BLNK: variants seen among roughly 807,000 people sequenced by gnomAD.
BLNK encodes the protein B-cell linker protein.
BLNK carries 29 observed loss-of-function variants against 73.5 expected under a neutral mutation model. The observed-to-expected ratio is 0.39, with a 90% CI of 0.29 to 0.54. The LOEUF is 0.54. Ranked by LOEUF, BLNK falls within the 20% of genes least tolerant of loss-of-function variation. The probability of loss-of-function intolerance (pLI) is 0.61; values close to 1 mark genes in which losing one functional copy is unlikely to be tolerated. For synonymous variants in BLNK, 176 were observed against 200.8 expected, an observed-to-expected ratio of 0.88 and a Z score of 1.04; for missense variants, 460 against 562.8, an observed-to-expected ratio of 0.82 and a Z score of 1.85.
At position 96,270,026 on chromosome 10, in the gene BLNK, CGCTT is replaced by C. The variant is rs570049276; in HGVS notation, c.47+1322_47+1325del. On this transcript the variant is annotated intron_variant, in intron 1 of 16. Transcript: ENST00000224337. ...AAGTCTCTTCTTACATTCCTTCTGT[CGCTT>C]ACAGCTTCCATTGTATCACCCCCGC... Among the ~76,000 whole-genome samples the C allele has an allele frequency of 4.9e-3, 748 of 152,292 alleles. 1 individual carries two copies. The highest frequency in any genetic ancestry group is 0.017 in the African/African-American group (692 of 41,550).
chr10:96,221,491 G>A (rs587740025), intron 6 of BLNK, among the ~76,000 whole-genome samples: 1 of 151,940 alleles, frequency 6.6e-6, no homozygotes, highest in African/African-American at 2.4e-5. Flanking sequence ...TCTTATATTG[G>A]CTCTCTATCT....
At chr10:96,239,817 C>T (rs1364695239) in intron 3 of BLNK, among the ~76,000 whole-genome samples, 1 of 152,030 alleles carries the variant, frequency 6.6e-6, no homozygotes, top group African/African-American at 2.4e-5. Flanking sequence ...AAGGAGAGGG[C>T]CTGGGTGGGT....
intron 1 of BLNK, among the ~76,000 whole-genome samples, chr10:96,264,393 C>T (rs1843895672): frequency 1.3e-5 from 2 of 152,158 alleles, no homozygotes; most frequent in African/African-American, 2.4e-5. Flanking sequence ...GCAAGAGCAC[C>T]ACAGCCCTGC....
At chr10:96,239,636 A>G (rs587677874) in intron 3 of BLNK, among the ~76,000 whole-genome samples, 1 of 150,996 alleles carries the variant, frequency 6.6e-6, no homozygotes, top group Non-Finnish European at 1.5e-5. Context: ...ATAGAGAGGG[A>G]AAAAATATTT....
At chr10:96,252,303 G>A (rs550114345) in intron 1 of BLNK, among the ~76,000 whole-genome samples, 3 of 152,122 alleles carry the variant, frequency 2.0e-5, no homozygotes, top group East Asian at 3.9e-4. Context: ...TGCCTGCCCC[G>A]GGCTCCCAAA....
chr10:96,265,252 G>A (rs1843950593), intron 1 of BLNK, among the ~76,000 whole-genome samples: 1 of 151,806 alleles, frequency 6.6e-6, no homozygotes, highest in Non-Finnish European at 1.5e-5. Flanking sequence ...CCAAAGTGCT[G>A]GGATTGCAGG....
At chr10:96,258,523 G>A (rs1454362803) in intron 1 of BLNK, among the ~76,000 whole-genome samples, 1 of 152,210 alleles carries the variant, frequency 6.6e-6, no homozygotes, top group Non-Finnish European at 1.5e-5. Context: ...GATTAATTTA[G>A]TTGAGGACTC....
chr10:96,213,632 T>G (rs1554899157), intron 8 of BLNK, among the ~76,000 whole-genome samples: 1 of 128,288 alleles, frequency 7.8e-6, no homozygotes, highest in East Asian at 2.2e-4. Flanking sequence ...AGGCAGTGTG[T>G]TTTAGGAAGA....
At chr10:96,251,035 T>G (rs989626678) in intron 1 of BLNK, among the ~76,000 whole-genome samples, 2 of 152,256 alleles carry the variant, frequency 1.3e-5, no homozygotes, top group African/African-American at 4.8e-5. Context: ...GCTGAACACA[T>G]TCCAAATCTT....
intron 5 of BLNK, 30 bp downstream of exon 5, chr10:96,227,379 GC>G: frequency 1.2e-6 from 2 of 1,608,868 alleles, no homozygotes; most frequent in Non-Finnish European, 1.7e-6. Flanking sequence ...GGCCTGGAAG[GC>G]CGAGTGCCCA....
At chr10:96,206,889 T>G (rs1184665202) in intron 11 of BLNK, 122 bp downstream of exon 11, 5 of 1,086,748 alleles carry the variant, frequency 4.6e-6, no homozygotes, top group Non-Finnish European at 7.0e-6. Context: ...ACTATTTTGT[T>G]TAGAAAATTG....
chr10:96,224,111 G>A (rs1364705174), intron 5 of BLNK, 122 bp from the exon 6 acceptor site: 49 of 1,140,202 alleles, frequency 4.3e-5, no homozygotes, highest in South Asian at 7.0e-5. Flanking sequence ...AATGATCCAC[G>A]GGGCATTCCT....
intron 6 of BLNK, 69 bp from the exon 7 acceptor site, chr10:96,216,803 A>AT (rs2084077677): frequency 9.7e-6 from 13 of 1,333,976 alleles, no homozygotes; most frequent in African/African-American, 2.9e-5. Context: ...GGAGGGAGTG[A>AT]TTTTTTTAAA....
In BLNK at chr10:96,234,171, G is replaced by T. The variant is rs190777369; in HGVS notation, c.164-3337C>A. On this transcript the variant is annotated intron_variant, in intron 3 of 16. Transcript: ENST00000224337. The stretch of plus-strand genomic sequence containing the variant: ...TCTGAGCCACTTAGCCCTCTGCTGA[G>T]CACTTAGATAAAACCTTGGTGAAAC... Among the ~76,000 whole-genome samples, 6 of 152,304 alleles carry T rather than the reference G, an allele frequency of 3.9e-5. No homozygotes were observed. The East Asian group carries it at 9.6e-4, about 24-fold the overall frequency.
rs148249957 is a variant in BLNK, at chr10:96,230,820, C to T, written c.178G>A (p.Glu60Lys). The T allele has an allele frequency of 4.2e-4, 671 of 1,611,522 alleles. No individual in the cohort carries two copies. Among genetic ancestry groups the T allele is most frequent in the Admixed American group, 6.4e-4 (38 of 59,746 alleles). The change falls in exon 4 of 17, where the codon GAA becomes AAA. Residue 60 changes from glutamate (E) to lysine (K), a missense_variant. By Grantham distance (56) the Glu-to-Lys change is moderately conservative. Transcript: ENST00000224337. ...AAGTCATCGGACCACTGCTCCTCTT[C>T]GTCAGCAGGGCTCTCTGCAACAGCA... is the stretch of plus-strand genomic sequence containing the variant. ...RDYASESPAD[E>K]EEQWSDDFDS... is the part of the protein sequence containing the mutation.
At chr10:96,220,532 G>A (rs2084175287) in intron 6 of BLNK, among the ~76,000 whole-genome samples, 1 of 152,128 alleles carries the variant, frequency 6.6e-6, no homozygotes, top group Non-Finnish European at 1.5e-5. Context: ...CGTTGTTATT[G>A]CTGAAATAAG....
chr10:96,230,849 G>A lies in BLNK; in HGVS notation c.164-15C>T. The A allele has an allele frequency of 1.2e-6, 2 of 1,610,428 alleles. No individual in the cohort carries two copies. The highest frequency in any genetic ancestry group is 1.7e-6 in the Non-Finnish European group (2 of 1,178,560). ...AGCAGGGCTCTCTGCAACAGCAGGG[G>A]AGAAGCAGAAGGCACAAGTGTGAGC... On this transcript the variant is annotated splice_polypyrimidine_tract_variant and intron_variant, in intron 3 of 16. Coordinates refer to ENST00000224337, the MANE Select transcript of BLNK (RefSeq NM_013314.4).
chr10:96,194,811 C>G (rs933866922), intron 16 of BLNK, among the ~76,000 whole-genome samples: 1 of 131,622 alleles, frequency 7.6e-6, no homozygotes, highest in African/African-American at 2.8e-5. Flanking sequence ...CGCTCTGTCG[C>G]CCAGGCTGGA....
Position 96,242,753 on chromosome 10 carries a change from G to A in BLNK, c.145C>T (p.Arg49Ter), listed in dbSNP as rs1842918742. The change falls in exon 3 of 17, where the codon CGA (arginine) becomes TGA (stop). Residue 49 changes from arginine to a stop codon, truncating the protein, a stop_gained. Transcript: ENST00000224337. LOFTEE classifies it high-confidence loss of function. ...LKVKAPPSVP[R>*]RDYASESPAD... ...ACCTTACCTGAAGCGTAGTCCCTTC[G>A]AGGAACACTTGGAGGTGCTTTGACT... The A allele has an allele frequency of 1.9e-6, 3 of 1,614,094 alleles. No individual in the cohort carries two copies. The highest frequency in any genetic ancestry group is 2.5e-6 in the Non-Finnish European group (3 of 1,179,932).
Sources: allele counts gnomAD v4.1 joint callset (sites outside exome capture counted in the v4.1 genomes callset), GRCh38; gene constraint gnomAD v4.1.1; transcripts MANE v1.5; gene names NCBI Gene and HGNC (gene_info 2026-07-23, HGNC 2026-07-21).